TPCN1: variants seen among roughly 807,000 people sequenced by gnomAD.
TPCN1 encodes the protein two pore segment channel 1, also known as two pore channel protein 1.
TPCN1 carries 52 observed loss-of-function variants against 108.8 expected under a neutral mutation model. The observed-to-expected ratio is 0.48, with a 90% CI of 0.38 to 0.60. The LOEUF is 0.60. TPCN1 is among the 20% of genes least tolerant of loss of function. The probability of loss-of-function intolerance (pLI) is 0.00; values close to 1 mark genes in which losing one functional copy is unlikely to be tolerated. For missense variants in TPCN1, 806 were observed against 1,072.8 expected, an observed-to-expected ratio of 0.75 and a Z score of 3.47; for synonymous variants, 446 against 433.7, an observed-to-expected ratio of 1.03 and a Z score of -0.35.
At chr12:113,256,781 C>T (rs1954844200) in intron 2 of TPCN1, among the ~76,000 whole-genome samples, 2 of 152,144 alleles carry the variant, frequency 1.3e-5, no homozygotes, top group African/African-American at 4.8e-5. Flanking sequence ...TGATCCTCCC[C>T]ACCTTAGCCT....
chr12:113,248,820 ACACACACACG>A (rs888135612), intron 2 of TPCN1, among the ~76,000 whole-genome samples: 8 of 152,188 alleles, frequency 5.3e-5, no homozygotes, highest in African/African-American at 1.9e-4. Flanking sequence ...TTACCTAAAA[ACACACACACG>A]CACACACACG....
At chr12:113,225,647 C>T (rs930222374) in intron 1 of TPCN1, among the ~76,000 whole-genome samples, 10 of 151,996 alleles carry the variant, frequency 6.6e-5, no homozygotes, top group South Asian at 6.2e-4. Context: ...CTCTGCCTTC[C>T]GGGTTCAAGC....
chr12:113,237,085 A>G (rs1029428902), intron 2 of TPCN1, among the ~76,000 whole-genome samples: 1 of 152,228 alleles, frequency 6.6e-6, no homozygotes, highest in Non-Finnish European at 1.5e-5. Flanking sequence ...GCAAGTGATG[A>G]CAGAGCATCT....
intron 4 of TPCN1, among the ~76,000 whole-genome samples, chr12:113,267,204 C>T (rs1381137854): frequency 1.3e-5 from 2 of 152,144 alleles, no homozygotes; most frequent in Non-Finnish European, 2.9e-5. Flanking sequence ...CATGTCTTGT[C>T]CTTTTGTCCA....
rs1462262085 is a variant in TPCN1 at position 113,288,984 on chromosome 12, G to A, written c.1796+137G>A. ...AAGCAACCACCTTGCTTTGCTTTCA[G>A]GGCTTAGTTGAGTGCAGTGAGCTAA... On this transcript the variant is annotated intron_variant, in intron 21 of 27. Coordinates refer to ENST00000335509, the MANE Select transcript of TPCN1 (RefSeq NM_017901.6). The surrounding 1 kb of genome is among the most constrained non-coding windows in gnomAD (Gnocchi z 4.8). 6.0e-6 allele frequency: 5 copies of A among 833,470 alleles called. No individual in the cohort carries two copies. Among genetic ancestry groups the A allele is most frequent in the East Asian group, 2.5e-5 (1 of 39,676 alleles). 51.6% of individuals were successfully genotyped at this position (833,470 alleles called of 1,614,324 possible).
At chr12:113,244,277 C>CTTAA (rs1360214809) in intron 2 of TPCN1, 2 of 984,250 alleles carry the variant, frequency 2.0e-6, no homozygotes, top group African/African-American at 3.5e-5. Flanking sequence ...CCTCCTTTGG[C>CTTAA]TTAAGCCTTT....
At chr12:113,264,308 CA>C (rs1955161115) in intron 3 of TPCN1, among the ~76,000 whole-genome samples, 1 of 152,204 alleles carries the variant, frequency 6.6e-6, no homozygotes, top group African/African-American at 2.4e-5. Context: ...ATGGGGCGAG[CA>C]GTTTATCCAG....
At chr12:113,242,859 C>G (rs1954206164) in intron 2 of TPCN1, among the ~76,000 whole-genome samples, 1 of 152,210 alleles carries the variant, frequency 6.6e-6, no homozygotes, top group Admixed American at 6.5e-5. Context: ...CACCAGCCCC[C>G]ACGGAGGGCC....
At position 113,266,159 on chromosome 12, in the gene TPCN1, A is replaced by T. The variant is rs146023305; in HGVS notation, c.238-21A>T. Reference sequence around the variant, plus strand: ...GATGGGTCTCCAGGCTTACATGCCCACACTACTCTCATCTTTTCAGGAAGG... The same window carrying T: ...GATGGGTCTCCAGGCTTACATGCCCTCACTACTCTCATCTTTTCAGGAAGG... On this transcript the variant is annotated intron_variant, in intron 3 of 27. Coordinates refer to ENST00000335509, the MANE Select transcript of TPCN1 (RefSeq NM_017901.6). This position sits in a 1 kb window ranked among gnomAD's most constrained non-coding sequence, Gnocchi z 4.2. The T allele has an allele frequency of 1.2e-6, 2 of 1,613,186 alleles. No individual in the cohort carries two copies. Among genetic ancestry groups the T allele is most frequent in the Non-Finnish European group, 1.7e-6 (2 of 1,179,522 alleles).
At chr12:113,291,404 T>C in intron 23 of TPCN1, 1 of 604,772 alleles carries the variant, frequency 1.7e-6, no homozygotes, top group East Asian at 2.7e-5. Context: ...CTGGATCCAG[T>C]CGTCCAGGGG....
chr12:113,292,516 A>G lies in TPCN1; in HGVS notation c.2114-418A>G, dbSNP rs75097035. On this transcript the variant is annotated intron_variant, in intron 25 of 27. Transcript: ENST00000335509. Reference sequence around the variant, plus strand: ...AAAACTGTCTGCACTTGATCTCTTGAGCCCAGGAGGTCAAGACTGCAGTGA... The same window carrying G: ...AAAACTGTCTGCACTTGATCTCTTGGGCCCAGGAGGTCAAGACTGCAGTGA... The G allele has an allele frequency of 4.7e-3, 887 of 190,010 alleles. 10 individuals are homozygous for G. The highest frequency in any genetic ancestry group is 0.019 in the African/African-American group (808 of 42,038). The allele number at this position is 190,010 out of a possible 1,614,324, so 11.8% of individuals were successfully genotyped here.
At position 113,273,349 on chromosome 12, in the gene TPCN1, C is replaced by G; in HGVS notation, c.842+59C>G. 1.5e-5 allele frequency: 23 copies of G among 1,557,732 alleles called. No individual in the cohort carries two copies. The highest frequency in any genetic ancestry group is 2.0e-5 in the Non-Finnish European group (23 of 1,128,846). On this transcript the variant is annotated intron_variant, in intron 9 of 27. Transcript: ENST00000335509. This position sits in a 1 kb window ranked among gnomAD's most constrained non-coding sequence, Gnocchi z 4.0. The stretch of plus-strand genomic sequence containing the variant: ...TGCTGCCGCCCTGGGGTCTCTTTCT[C>G]TTTTCTGCCAAGTATATTCCACATC...
In TPCN1 at chr12:113,288,175, G is replaced by A; in HGVS notation, c.1647G>A (p.Leu549=). 1 of 1,613,594 alleles carries A rather than the reference G, an allele frequency of 6.2e-7. No homozygotes were observed. Among genetic ancestry groups the A allele is most frequent in the Non-Finnish European group, 8.5e-7 (1 of 1,179,716 alleles). The stretch of plus-strand genomic sequence containing the variant: ...CCTCCTCGCTCAGGTTGTTTAAGTT[G>A]AAGGAGCGCTACCGCAACGTGCTGG... ...RPLQLLRLFK[L]KERYRNVLDT... is the part of the protein sequence containing the mutation. The change falls in exon 20 of 28, where the codon TTG becomes TTA. Residue 549 remains leucine, a synonymous_variant. Coordinates refer to ENST00000335509, the MANE Select transcript of TPCN1 (RefSeq NM_017901.6). The surrounding 1 kb of genome is among the most constrained non-coding windows in gnomAD (Gnocchi z 4.8).
chr12:113,244,703 A>C (rs1954284623), intron 2 of TPCN1: 1 of 985,258 alleles, frequency 1.0e-6, no homozygotes, highest in Non-Finnish European at 1.2e-6. Context: ...GCTCGTTGTC[A>C]TTCTGGTAGG....
At position 113,298,084 on chromosome 12, in the gene TPCN1, T is replaced by A. The variant is rs569108591; in HGVS notation, c.*2008T>A. On this transcript the variant is annotated 3_prime_UTR_variant, in exon 28 of 28. Coordinates refer to ENST00000335509, the MANE Select transcript of TPCN1 (RefSeq NM_017901.6). Reference sequence around the variant, plus strand: ...TGTCCAGAGCGAGTTAATGTGTCCATCTGCCCAACCCTGTCCTGAGAAAGG... The same window carrying A: ...TGTCCAGAGCGAGTTAATGTGTCCAACTGCCCAACCCTGTCCTGAGAAAGG... 6.8e-4 allele frequency: 104 copies of A among 152,372 alleles called. No individual in the cohort carries two copies. Among genetic ancestry groups the A allele is most frequent in the African/African-American group, 2.4e-3 (99 of 41,562 alleles). 9.4% of individuals were successfully genotyped at this position (152,372 alleles called of 1,614,324 possible). A position where few individuals can be genotyped will look rare whatever the true frequency, so the allele number is the denominator to read the frequency against.
chr12:113,242,602 C>G (rs1055819721), intron 2 of TPCN1, among the ~76,000 whole-genome samples: 5 of 152,230 alleles, frequency 3.3e-5, no homozygotes. Context: ...CGAATCGTGG[C>G]TGTTACCTTT....
chr12:113,240,318 G>A lies in TPCN1; in HGVS notation c.112+13354G>A, dbSNP rs535389964. ...GGGAGATTCTTAGGCTGTGATGAAT[G>A]TGTGTCTATTGAGGAGTGATGGTAC... On this transcript the variant is annotated intron_variant, in intron 2 of 27. Coordinates refer to ENST00000335509, the MANE Select transcript of TPCN1 (RefSeq NM_017901.6). Among the ~76,000 whole-genome samples the A allele has an allele frequency of 8.5e-5, 13 of 152,348 alleles. 1 individual carries two copies. In the East Asian group the frequency reaches 2.5e-3, roughly 29 times the overall value.
intron 4 of TPCN1, among the ~76,000 whole-genome samples, chr12:113,267,433 C>T (rs1223675058): frequency 6.6e-6 from 1 of 151,116 alleles, no homozygotes; most frequent in African/African-American, 2.4e-5. Flanking sequence ...GAGTCTCCCT[C>T]TGTTGCCCAG....
intron 2 of TPCN1, among the ~76,000 whole-genome samples, chr12:113,233,370 A>G (rs139565323): frequency 0.034 from 5,251 of 152,306 alleles, 170 homozygotes; most frequent in Admixed American, 0.053. Flanking sequence ...CAGCTTCCCC[A>G]TCGGGGAGGC....
Sources: gnomAD v4.1 joint callset for allele counts (sites outside exome capture counted in the v4.1 genomes callset) on GRCh38, gnomAD v4.1.1 for gene constraint, Gnocchi (gnomAD v3.1) non-coding constraint, MANE v1.5 for transcripts, NCBI Gene and HGNC (gene_info 2026-07-23, HGNC 2026-07-21) for gene names.